The following MALT1 variants were observed in gnomAD, a reference collection of about 807,000 sequenced individuals.
MALT1 encodes MALT1 paracaspase, also known as mucosa-associated lymphoid tissue lymphoma translocation protein 1.
MALT1 carries 36 observed loss-of-function variants against 85.5 expected under a neutral mutation model. That is an observed-to-expected ratio of 0.42 (90% confidence interval 0.32 to 0.56). MALT1 has a LOEUF of 0.56. Among genes scored for constraint, MALT1 ranks in the 20% least tolerant of loss-of-function variants. The pLI is 0.10. For synonymous variants in MALT1, 359 were observed against 361.3 expected, an observed-to-expected ratio of 0.99 and a Z score of 0.07; for missense variants, 716 against 981.6, an observed-to-expected ratio of 0.73 and a Z score of 3.62.
intron 2 of MALT1, among the ~76,000 whole-genome samples, chr18:58,687,689 T>C (rs2054425391): frequency 6.6e-6 from 1 of 152,242 alleles, no homozygotes; most frequent in Non-Finnish European, 1.5e-5. Flanking sequence ...GGAAAAAGTA[T>C]TTATTGATAA....
chr18:58,724,062 G>T (rs1186877629), intron 10 of MALT1, among the ~76,000 whole-genome samples: 1 of 152,160 alleles, frequency 6.6e-6, no homozygotes, highest in African/African-American at 2.4e-5. Context: ...CTGTTGTTAG[G>T]CATGCAATGA....
At chr18:58,679,753 T>TG in intron 1 of MALT1, among the ~76,000 whole-genome samples, 1 of 152,298 alleles carries the variant, frequency 6.6e-6, no homozygotes, top group South Asian at 2.1e-4. Context: ...TTCACCATGT[T>TG]GGCCAGGCTG....
Position 58,671,621 on chromosome 18 carries a change from G to C in MALT1, c.-23G>C. On this transcript the variant is annotated 5_prime_UTR_variant, in exon 1 of 17. Coordinates refer to ENST00000649217, the MANE Select transcript of MALT1 (RefSeq NM_006785.4). ...GACGGGGCGGGCGGGAGCCCCGGCA[G>C]TCCGGGGTCGCCGGCGAGGGCCATG... 2 of 1,209,700 alleles carry C rather than the reference G, an allele frequency of 1.7e-6. No homozygotes were observed. Among genetic ancestry groups the C allele is most frequent in the Non-Finnish European group, 2.1e-6 (2 of 973,018 alleles). 74.9% of individuals were successfully genotyped at this position (1,209,700 alleles called of 1,614,324 possible).
chr18:58,737,377 G>A (rs942747210), intron 13 of MALT1, among the ~76,000 whole-genome samples: 2 of 151,620 alleles, frequency 1.3e-5, no homozygotes, highest in African/African-American at 4.9e-5. Flanking sequence ...AGCTACTCGC[G>A]AGACTTAGGT....
At chr18:58,713,511 C>T (rs955885056) in intron 7 of MALT1, among the ~76,000 whole-genome samples, 2 of 152,018 alleles carry the variant, frequency 1.3e-5, no homozygotes, top group Admixed American at 6.6e-5. Flanking sequence ...GGTGTCAGAA[C>T]CAAGAAGATA....
rs1410005455 is a variant in MALT1, at chr18:58,749,250, CAT to C, written c.*1411_*1412del. ...GTGTATTTGTGTATATGTGTGTATACATATGTTTATCTCACACACATTATGAG... is the reference window on the plus strand; with the variant it reads ...GTGTATTTGTGTATATGTGTGTATACATGTTTATCTCACACACATTATGAG... On this transcript the variant is annotated 3_prime_UTR_variant, in exon 17 of 17. Coordinates refer to ENST00000649217, the MANE Select transcript of MALT1 (RefSeq NM_006785.4). 1 of 216,260 alleles carries C rather than the reference CAT, an allele frequency of 4.6e-6. No individual in the cohort carries two copies. The highest frequency in any genetic ancestry group is 9.3e-6 in the Non-Finnish European group (1 of 107,558). The allele number at this position is 216,260 out of a possible 1,614,324, so 13.4% of individuals were successfully genotyped here.
intron 5 of MALT1, 96 bp downstream of exon 5, chr18:58,709,652 C>G: frequency 2.0e-6 from 2 of 1,024,278 alleles, no homozygotes; most frequent in South Asian, 4.1e-5. Context: ...CATATCCTTT[C>G]AGATGTTTTA....
chr18:58,752,256 C>T lies in MALT1; in HGVS notation c.*4414C>T, dbSNP rs1418229616. ...TCAAGTGATCCTCCTGCCTCAGCAG[C>T]ATCAGTTTAATATCTAGATAAAATC... On this transcript the variant is annotated 3_prime_UTR_variant, in exon 17 of 17. Coordinates refer to ENST00000649217, the MANE Select transcript of MALT1 (RefSeq NM_006785.4). 1.3e-5 allele frequency: 2 copies of T among 152,208 alleles called. No homozygotes were observed. Among genetic ancestry groups the T allele is most frequent in the African/African-American group, 2.4e-5 (1 of 41,456 alleles). The allele number at this position is 152,208 out of a possible 1,614,324, so 9.4% of individuals were successfully genotyped here. A position where few individuals can be genotyped will look rare whatever the true frequency, so the allele number is the denominator to read the frequency against.
In MALT1 at chr18:58,678,221, T is replaced by C. The variant is rs549160218; in HGVS notation, c.210-2949T>C. Among the ~76,000 whole-genome samples, 26 of 152,340 alleles carry C rather than the reference T, an allele frequency of 1.7e-4. No individual in the cohort carries two copies. The South Asian group carries it at 5.2e-3, about 30-fold the overall frequency. ...AAATCTTGGGTAACAGTATAAATGC[T>C]ATGACAGCATCTTCATAAGACTACT... On this transcript the variant is annotated intron_variant, in intron 1 of 16. Coordinates refer to ENST00000649217, the MANE Select transcript of MALT1 (RefSeq NM_006785.4).
chr18:58,696,336 A>ACT, intron 2 of MALT1, 30 bp from the exon 3 acceptor site: 1 of 1,166,916 alleles, frequency 8.6e-7, no homozygotes, highest in Non-Finnish European at 1.1e-6. Context: ...TTGTGACTTT[A>ACT]ATTTTTTTTT....
intron 8 of MALT1, among the ~76,000 whole-genome samples, chr18:58,714,769 A>G (rs1022634996): frequency 6.7e-6 from 1 of 149,326 alleles, no homozygotes; most frequent in Non-Finnish European, 1.5e-5. Flanking sequence ...AACCTCGTGT[A>G]GGCTTTCTGA....
chr18:58,671,616 CG>C lies in MALT1; in HGVS notation c.-26del, dbSNP rs1333062775. ...CCCGTGACGGGGCGGGCGGGAGCCC[CG>C]GCAGTCCGGGGTCGCCGGCGAGGGC... On this transcript the variant is annotated 5_prime_UTR_variant, in exon 1 of 17. Coordinates refer to ENST00000649217, the MANE Select transcript of MALT1 (RefSeq NM_006785.4). 24 of 1,207,692 alleles carry C rather than the reference CG, an allele frequency of 2.0e-5. No individual in the cohort carries two copies. Among genetic ancestry groups the C allele is most frequent in the Non-Finnish European group, 2.4e-5 (23 of 971,628 alleles). The allele number at this position is 1,207,692 out of a possible 1,614,324, so 74.8% of individuals were successfully genotyped here.
intron 2 of MALT1, among the ~76,000 whole-genome samples, chr18:58,687,721 G>A (rs553645698): frequency 3.1e-4 from 47 of 152,320 alleles, no homozygotes; most frequent in African/African-American, 6.3e-4. Flanking sequence ...ATTTAAATGC[G>A]TCGTGAGAGA....
At chr18:58,743,815 A>G (rs1340034392) in intron 14 of MALT1, among the ~76,000 whole-genome samples, 1 of 152,226 alleles carries the variant, frequency 6.6e-6, no homozygotes, top group African/African-American at 2.4e-5. Flanking sequence ...TGTTTTGGAC[A>G]TGTTATGCTG....
intron 10 of MALT1, 65 bp from the exon 11 acceptor site, chr18:58,733,332 A>G (rs142221847): frequency 5.8e-6 from 6 of 1,035,722 alleles, no homozygotes; most frequent in African/African-American, 1.6e-5. Flanking sequence ...AAAGTTATGC[A>G]GTCTGTATGT....
At chr18:58,721,660 T>C (rs2054985216) in intron 9 of MALT1, among the ~76,000 whole-genome samples, 1 of 152,168 alleles carries the variant, frequency 6.6e-6, no homozygotes, top group Admixed American at 6.5e-5. Flanking sequence ...GTTTTAACAC[T>C]AGGTTTAAGT....
At chr18:58,740,589 T>C (rs1439601173) in intron 13 of MALT1, among the ~76,000 whole-genome samples, 1 of 152,132 alleles carries the variant, frequency 6.6e-6, no homozygotes, top group Non-Finnish European at 1.5e-5. Context: ...ACTTTTTGCT[T>C]TTTATTTCTA....
chr18:58,747,540 A>G lies in MALT1; in HGVS notation c.2173A>G (p.Thr725Ala). Residue 725 changes from threonine (T) to alanine (A), a missense_variant, in exon 17 of 17, where the codon ACT becomes GCT. Around this residue, in one of 4 missense-constraint regions of MALT1, gnomAD observed 260 missense variants for 323.7 expected, o/e 0.80. Transcript: ENST00000649217. The stretch of plus-strand genomic sequence containing the variant: ...CATGCATCGAGGTTTGGGAAGGAAG[A>G]CTTGCTTTCAAACTTGTCTTATGTC... ...LDMHRGLGRK[T>A]CFQTCLMSNG... 2 of 1,614,190 alleles carry G rather than the reference A, an allele frequency of 1.2e-6. No individual in the cohort carries two copies. Among genetic ancestry groups the G allele is most frequent in the Non-Finnish European group, 1.7e-6 (2 of 1,180,016 alleles).
rs755962287 is a variant in MALT1 at position 58,696,498 on chromosome 18, A to C, written c.498+11A>C. 5.2e-6 allele frequency: 8 copies of C among 1,544,012 alleles called. No homozygotes were observed. The Admixed American group carries it at 1.6e-4, about 32-fold the overall frequency. On this transcript the variant is annotated intron_variant, in intron 3 of 16. Transcript: ENST00000649217. ...AAAATGAATAAAGAGGTAATTTTTT[A>C]AATATATCTTTTAATTCTTCCAAGG...
Sources: allele counts gnomAD v4.1 joint callset (sites outside exome capture counted in the v4.1 genomes callset), GRCh38; gene constraint gnomAD v4.1.1; regional missense constraint gnomAD v4.1.1; transcripts MANE v1.5; gene names NCBI Gene and HGNC (gene_info 2026-07-23, HGNC 2026-07-21).